The following ZNF251 variants were observed in gnomAD, a reference collection of about 807,000 sequenced individuals.
ZNF251 encodes the protein zinc finger protein 251.
Under a neutral mutation model 13.5 loss-of-function variants are expected in ZNF251, and 14 were observed. The observed-to-expected ratio is 1.04, with a 90% CI of 0.69 to 1.63. ZNF251 has a LOEUF of 1.63. Ranked by LOEUF, ZNF251 falls within the 40% of genes most tolerant of loss-of-function variation. The pLI is 0.00. For missense variants in ZNF251, 764 were observed against 834.9 expected (o/e 0.92, Z 1.05); for synonymous variants, 287 against 295.2 (o/e 0.97, Z 0.28).
rs753990371 is a variant in ZNF251, at chr8:144,754,764, G to A, written c.-36C>T. On this transcript the variant is annotated 5_prime_UTR_variant, in exon 2 of 5. Transcript: ENST00000292562. ...TGGGCTGCTGTGGTTTCCAAGAGAAGACAGGAGACTGCCCTGGCCTGAAGT... is the reference window on the plus strand; with the variant it reads ...TGGGCTGCTGTGGTTTCCAAGAGAAAACAGGAGACTGCCCTGGCCTGAAGT... The A allele has an allele frequency of 1.2e-6, 2 of 1,608,934 alleles. No individual in the cohort carries two copies. The highest frequency in any genetic ancestry group is 4.5e-5 in the East Asian group (2 of 44,756).
At chr8:144,752,781 C>G (rs139483961) in intron 4 of ZNF251, among the ~76,000 whole-genome samples, 1 of 151,816 alleles carries the variant, frequency 6.6e-6, no homozygotes, top group Non-Finnish European at 1.5e-5. Flanking sequence ...AACAAAGCTG[C>G]GGATATGAGT....
chr8:144,736,587 G>T (rs2129981271), intron 4 of ZNF251, among the ~76,000 whole-genome samples: 1 of 151,996 alleles, frequency 6.6e-6, no homozygotes, highest in South Asian at 2.1e-4. Flanking sequence ...CACCTCCTGG[G>T]TTCAAGTGAT....
In ZNF251 at chr8:144,722,053, T is replaced by C. The variant is rs780673678; in HGVS notation, c.1607A>G (p.Gln536Arg). Residue 536 changes from glutamine to arginine, a missense_variant, in exon 5 of 5, where the codon CAG becomes CGG. Physicochemically the swap from Gln to Arg is conservative, Grantham distance 43. Coordinates refer to ENST00000292562, the MANE Select transcript of ZNF251 (RefSeq NM_138367.2). This position sits in a 1 kb window ranked among gnomAD's most constrained non-coding sequence, Gnocchi z 4.8. Reference sequence around the variant, plus strand: ...GCCGTGCTTCTCTCCAGTGGGAATCTGTCCATCTGCTGTGAGGCTGGAGCC... The same window carrying C: ...GCCGTGCTTCTCTCCAGTGGGAATCCGTCCATCTGCTGTGAGGCTGGAGCC... ...VHGSSLTADGQIPTGEKHGRA... is the reference protein window; with the variant it reads ...VHGSSLTADGRIPTGEKHGRA... 38 of 1,613,232 alleles carry C rather than the reference T, an allele frequency of 2.4e-5. No homozygotes were observed. Among genetic ancestry groups the C allele is most frequent in the Non-Finnish European group, 3.1e-5 (36 of 1,179,534 alleles).
intron 4 of ZNF251, among the ~76,000 whole-genome samples, chr8:144,742,108 C>T (rs143095567): frequency 3.4e-4 from 51 of 151,964 alleles, no homozygotes; most frequent in East Asian, 1.9e-4. Context: ...GAGTGACCCA[C>T]GACACACCAC....
Position 144,723,003 on chromosome 8 carries a change from T to G in ZNF251, c.657A>C (p.Lys219Asn). 2 of 1,613,982 alleles carry G rather than the reference T, an allele frequency of 1.2e-6. No individual in the cohort carries two copies. The highest frequency in any genetic ancestry group is 1.7e-6 in the Non-Finnish European group (2 of 1,179,864). ...FKCDICSKTF[K>N]YNSDLSRHQR... ...GGTGTCTACTTAGGTCTGAATTATATTTGAAGGTTTTGCTGCATATATCAC... is the reference window on the plus strand; with the variant it reads ...GGTGTCTACTTAGGTCTGAATTATAGTTGAAGGTTTTGCTGCATATATCAC... The change falls in exon 5 of 5, where the codon AAA (lysine) becomes AAC (asparagine). Residue 219 changes from lysine (K) to asparagine (N), a missense_variant. Coordinates refer to ENST00000292562, the MANE Select transcript of ZNF251 (RefSeq NM_138367.2).
chr8:144,744,929 G>A lies in ZNF251; in HGVS notation c.277+8754C>T, dbSNP rs2727257. On this transcript the variant is annotated intron_variant, in intron 4 of 4. Coordinates refer to ENST00000292562, the MANE Select transcript of ZNF251 (RefSeq NM_138367.2). ...AAACCAGCTGGGCGTGGTGGCGGGC[G>A]CCTGTAATCCCAGCTACTAGGGAGG... Among the ~76,000 whole-genome samples the A allele has an allele frequency of 2.7e-4, 41 of 152,238 alleles. 1 individual carries two copies. In the East Asian group the frequency reaches 5.8e-3, roughly 22 times the overall value.
chr8:144,726,642 G>A (rs1057387471), intron 4 of ZNF251, among the ~76,000 whole-genome samples: 6 of 152,014 alleles, frequency 3.9e-5, no homozygotes, highest in Admixed American at 1.3e-4. Context: ...AGGCCGAGGC[G>A]GGTGGATCAC....
In ZNF251 at chr8:144,722,343, G is replaced by GC; in HGVS notation, c.1316dup (p.Lys440GlnfsTer26). The GC allele has an allele frequency of 6.2e-7, 1 of 1,613,958 alleles. No individual in the cohort carries two copies. ...GAGTGGAACTCCGACGAAAGGCTTT[G>GC]CCGCACTCATTACAAACATAGGGTT... On this transcript the variant is annotated frameshift_variant, in exon 5 of 5. Coordinates refer to ENST00000292562, the MANE Select transcript of ZNF251 (RefSeq NM_138367.2). LOFTEE classifies it low-confidence loss of function (END_TRUNC). This position sits in a 1 kb window ranked among gnomAD's most constrained non-coding sequence, Gnocchi z 4.8.
intron 4 of ZNF251, among the ~76,000 whole-genome samples, chr8:144,736,496 T>C (rs1823900188): frequency 6.8e-6 from 1 of 147,314 alleles, no homozygotes; most frequent in Admixed American, 6.7e-5. Flanking sequence ...TATTTATTTA[T>C]TTATTTATTT....
At chr8:144,744,651 C>T (rs1824333502) in intron 4 of ZNF251, among the ~76,000 whole-genome samples, 1 of 152,156 alleles carries the variant, frequency 6.6e-6, no homozygotes, top group Non-Finnish European at 1.5e-5. Flanking sequence ...TTTCTCTCTC[C>T]ACCATGTGAG....
intron 2 of ZNF251, 82 bp downstream of exon 2, chr8:144,754,614 G>A (rs1824867689): frequency 2.0e-6 from 3 of 1,511,876 alleles, no homozygotes; most frequent in African/African-American, 1.4e-5. Context: ...CAGTTGCCGG[G>A]CTCACGGCTC....
chr8:144,735,159 G>A (rs919704099), intron 4 of ZNF251, among the ~76,000 whole-genome samples: 12 of 152,104 alleles, frequency 7.9e-5, no homozygotes, highest in Non-Finnish European at 1.2e-4. Flanking sequence ...GCTGAGGAGG[G>A]TAGATCATCT....
At chr8:144,754,369 G>A (rs1824853401) in intron 2 of ZNF251, 48 bp from the exon 3 acceptor site, 1 of 1,530,834 alleles carries the variant, frequency 6.5e-7, no homozygotes, top group South Asian at 1.3e-5. Context: ...CGGGGCAGCA[G>A]CCTGCACTAA....
intron 4 of ZNF251, among the ~76,000 whole-genome samples, chr8:144,751,336 T>C (rs547666152): frequency 4.6e-5 from 7 of 152,254 alleles, no homozygotes; most frequent in Non-Finnish European, 8.8e-5. Context: ...TTTTCCTTTT[T>C]TATAAACTAT....
intron 4 of ZNF251, among the ~76,000 whole-genome samples, chr8:144,742,775 G>A (rs1292352072): frequency 2.6e-5 from 4 of 152,120 alleles, no homozygotes; most frequent in Non-Finnish European, 4.4e-5. Context: ...ATAGGTGTCC[G>A]TTGGTAAACA....
intron 4 of ZNF251, among the ~76,000 whole-genome samples, chr8:144,748,745 A>G (rs1176629813): frequency 6.6e-6 from 1 of 151,994 alleles, no homozygotes; most frequent in African/African-American, 2.4e-5. Context: ...TAACTTTTTG[A>G]TGAGATGATT....
intron 4 of ZNF251, among the ~76,000 whole-genome samples, chr8:144,730,262 A>AG (rs2129950738): frequency 6.6e-6 from 1 of 152,344 alleles, no homozygotes; most frequent in Non-Finnish European, 1.5e-5. Context: ...TGCCGCCCAG[A>AG]GGCCTTCCGT....
intron 4 of ZNF251, among the ~76,000 whole-genome samples, chr8:144,725,313 CCT>C (rs1823488872): frequency 6.6e-6 from 1 of 152,166 alleles, no homozygotes; most frequent in African/African-American, 2.4e-5. Context: ...TCGCACCCGG[CCT>C]CTTTTTTTAA....
chr8:144,734,547 A>C lies in ZNF251; in HGVS notation c.278-11165T>G, dbSNP rs370761449. Reference sequence around the variant, plus strand: ...CTGTGGTCCTGGGGCCTGGGGGCCAACCCTGACACCAGAAAATGACGGCGC... The same window carrying C: ...CTGTGGTCCTGGGGCCTGGGGGCCACCCCTGACACCAGAAAATGACGGCGC... On this transcript the variant is annotated intron_variant, in intron 4 of 4. Coordinates refer to ENST00000292562, the MANE Select transcript of ZNF251 (RefSeq NM_138367.2). This position sits in a 1 kb window ranked among gnomAD's most constrained non-coding sequence, Gnocchi z 4.4. Among the ~76,000 whole-genome samples the C allele has an allele frequency of 1.7e-4, 26 of 152,252 alleles. 1 individual carries two copies. The highest frequency in any genetic ancestry group is 1.5e-3 in the East Asian group (8 of 5,166).
Sources: allele counts gnomAD v4.1 joint callset (sites outside exome capture counted in the v4.1 genomes callset), GRCh38; gene constraint gnomAD v4.1.1; non-coding constraint Gnocchi (gnomAD v3.1); transcripts MANE v1.5; gene names NCBI Gene and HGNC (gene_info 2026-07-23, HGNC 2026-07-21).